Variants in DACT1 observed in about 807,000 individuals in gnomAD.
DACT1 encodes the protein dishevelled binding antagonist of beta catenin 1.
Under a neutral mutation model 35.3 loss-of-function variants are expected in DACT1, and 19 were observed. The observed-to-expected ratio is 0.54, with a 90% confidence interval of 0.38 to 0.79. DACT1 has a LOEUF of 0.79. Among genes scored for constraint, DACT1 ranks in the 30% least tolerant of loss-of-function variants. DACT1 has a pLI of 0.00. For missense variants in DACT1, 1,143 were observed against 1,057.5 expected, an observed-to-expected ratio of 1.08 and a Z score of -1.12; for synonymous variants, 545 against 466.7, an observed-to-expected ratio of 1.17 and a Z score of -2.16.
At chr14:58,639,611 G>C (rs941124023) in intron 1 of DACT1, among the ~76,000 whole-genome samples, 1 of 152,168 alleles carries the variant, frequency 6.6e-6, no homozygotes, top group Admixed American at 6.5e-5. Context: ...AAGCACCAAA[G>C]TGCTTTTACT....
chr14:58,639,402 TTTG>T (rs1022222612), intron 1 of DACT1: 16 of 451,680 alleles, frequency 3.5e-5, no homozygotes, highest in Admixed American at 6.4e-5. Flanking sequence ...TGGCGACAGC[TTTG>T]TTTTCAGTGA....
chr14:58,640,541 G>A (rs1042104760), intron 1 of DACT1, among the ~76,000 whole-genome samples, 195 bp from the exon 2 acceptor site: 20 of 152,192 alleles, frequency 1.3e-4, no homozygotes, highest in Non-Finnish European at 2.8e-4. Flanking sequence ...ACCACAAAAT[G>A]TGAGAAAGTG....
chr14:58,641,827 T>C, intron 3 of DACT1, 80 bp downstream of exon 3: 3 of 1,374,962 alleles, frequency 2.2e-6, no homozygotes, highest in South Asian at 2.6e-5. Flanking sequence ...CTCCAGCACC[T>C]TTCACTGGTG....
chr14:58,640,290 T>C (rs997567876), intron 1 of DACT1, among the ~76,000 whole-genome samples: 1 of 152,232 alleles, frequency 6.6e-6, no homozygotes, highest in Non-Finnish European at 1.5e-5. Context: ...AACAAAACTC[T>C]GCAGGCCAAG....
chr14:58,643,825 G>A (rs1210065359), intron 3 of DACT1, among the ~76,000 whole-genome samples: 2 of 152,150 alleles, frequency 1.3e-5, no homozygotes, highest in Admixed American at 1.3e-4. Flanking sequence ...TGCTGGGAGA[G>A]GAAGGATGGG....
rs943899572 is a variant in DACT1 at position 58,645,426 on chromosome 14, G to A, written c.692G>A (p.Arg231His). 3.0e-5 allele frequency: 49 copies of A among 1,614,060 alleles called. No individual in the cohort carries two copies. The highest frequency in any genetic ancestry group is 4.1e-5 in the Non-Finnish European group (48 of 1,180,044). Residue 231 changes from arginine to histidine, a missense_variant, in exon 4 of 4, where the codon CGC becomes CAC. Around this residue, in one of 3 missense-constraint regions of DACT1, gnomAD observed 1,054 missense variants for 958.8 expected, o/e 1.10. Transcript: ENST00000395153. ...TCTAAAAACGGGAATGATGTATATC[G>A]CTATCCCAGTCCACTTCATGCTGTG... ...LVSKNGNDVYRYPSPLHAVAV... is the reference protein window; with the variant it reads ...LVSKNGNDVYHYPSPLHAVAV...
chr14:58,646,181 C>A lies in DACT1; in HGVS notation c.1447C>A (p.Pro483Thr). ...SQKNSLQGVPPATPPLLSTAF... is the reference protein window; with the variant it reads ...SQKNSLQGVPTATPPLLSTAF... ...GAAAAACAGCCTGCAGGGCGTCCCC[C>A]CGGCCACTCCTCCCCTGCTGTCTAC... The change falls in exon 4 of 4, where the codon CCG becomes ACG. Residue 483 changes from proline to threonine, a missense_variant. By Grantham distance (38) the Pro-to-Thr change is conservative (BLOSUM62 -1). Around this residue, in one of 3 missense-constraint regions of DACT1, gnomAD observed 1,054 missense variants for 958.8 expected, o/e 1.10. Coordinates refer to ENST00000395153, the MANE Select transcript of DACT1 (RefSeq NM_001079520.2). 1 of 1,613,692 alleles carries A rather than the reference C, an allele frequency of 6.2e-7. No homozygotes were observed. Among genetic ancestry groups the A allele is most frequent in the Non-Finnish European group, 8.5e-7 (1 of 1,179,892 alleles).
chr14:58,647,653 C>T lies in DACT1; in HGVS notation c.*519C>T, dbSNP rs2047706833. ...AGTCTACATTTCTCAGATGTATCCC[C>T]ATTCGGTTTTATTCTCAGAACTGTT... On this transcript the variant is annotated 3_prime_UTR_variant, in exon 4 of 4. Coordinates refer to ENST00000395153, the MANE Select transcript of DACT1 (RefSeq NM_001079520.2). 5.9e-6 allele frequency: 1 copy of T among 168,832 alleles called. No individual in the cohort carries two copies. Among genetic ancestry groups the T allele is most frequent in the Non-Finnish European group, 1.4e-5 (1 of 69,804 alleles). The allele number at this position is 168,832 out of a possible 1,614,324, so 10.5% of individuals were successfully genotyped here. A position where few individuals can be genotyped will look rare whatever the true frequency, so the allele number is the denominator to read the frequency against.
At position 58,646,700 on chromosome 14, in the gene DACT1, A is replaced by C. The variant is rs747322707; in HGVS notation, c.1966A>C (p.Arg656=). 5.0e-6 allele frequency: 8 copies of C among 1,613,046 alleles called. No homozygotes were observed. The Admixed American group carries it at 8.3e-5, about 17-fold the overall frequency. Residue 656 remains arginine, a synonymous_variant, in exon 4 of 4, where the codon AGG becomes CGG. Coordinates refer to ENST00000395153, the MANE Select transcript of DACT1 (RefSeq NM_001079520.2). ...AEISYEEALR[R]ARRGRRENVG... ...GATTTCCTACGAAGAGGCCCTGAGG[A>C]GGGCCCGGCGCGGTCGCCGGGAGAA... is the stretch of plus-strand genomic sequence containing the variant.
chr14:58,643,154 A>C (rs1044448616), intron 3 of DACT1, among the ~76,000 whole-genome samples: 2 of 152,252 alleles, frequency 1.3e-5, no homozygotes, highest in African/African-American at 4.8e-5. Context: ...TCATCATCCC[A>C]AGGGAATTCA....
In DACT1 at chr14:58,640,777, G is replaced by C. The variant is rs369191743; in HGVS notation, c.387G>C (p.Leu129Phe). The C allele has an allele frequency of 6.2e-7, 1 of 1,614,010 alleles. No homozygotes were observed. The highest frequency in any genetic ancestry group is 1.3e-5 in the African/African-American group (1 of 74,920). Residue 129 changes from leucine to phenylalanine, a missense_variant, in exon 2 of 4, where the codon TTG becomes TTC. Transcript: ENST00000395153. Reference sequence around the variant, plus strand: ...GAGATGCTGGTTTGTTGAATCAGTTGCAAGAGCTTGACAAGCAGATAAGTG... The same window carrying C: ...GAGATGCTGGTTTGTTGAATCAGTTCCAAGAGCTTGACAAGCAGATAAGTG... ...RRRDAGLLNQ[L>F]QELDKQISDL... is the part of the protein sequence containing the mutation.
chr14:58,646,635 A>G lies in DACT1; in HGVS notation c.1901A>G (p.His634Arg). 1.9e-6 allele frequency: 3 copies of G among 1,611,406 alleles called. No homozygotes were observed. Among genetic ancestry groups the G allele is most frequent in the East Asian group, 2.2e-5 (1 of 44,790 alleles). ...GAGGCGGTGGTGGCCAAACCTAAGC[A>G]CAAGCGAACTGACTACCGGCGGTGG... ...GREAVVAKPK[H>R]KRTDYRRWKS... is the part of the protein sequence containing the mutation. Residue 634 changes from histidine to arginine, a missense_variant, in exon 4 of 4, where the codon CAC (histidine) becomes CGC (arginine). Around this residue, in one of 3 missense-constraint regions of DACT1, gnomAD observed 1,054 missense variants for 958.8 expected, o/e 1.10. Coordinates refer to ENST00000395153, the MANE Select transcript of DACT1 (RefSeq NM_001079520.2).
chr14:58,646,770 C>A lies in DACT1; in HGVS notation c.2036C>A (p.Pro679His), dbSNP rs745705094. 4 of 1,614,140 alleles carry A rather than the reference C, an allele frequency of 2.5e-6. No homozygotes were observed. The South Asian group carries it at 3.3e-5, about 13-fold the overall frequency. The change falls in exon 4 of 4, where the codon CCC becomes CAC. Residue 679 changes from proline to histidine, a missense_variant. Physicochemically the swap from Pro to His is moderately conservative, Grantham distance 77. This residue lies in a region of DACT1 where 1,054 missense variants were observed against 958.8 expected (regional missense o/e 1.10). Transcript: ENST00000395153. ...CCTGTGCCTCTGCCCTACGCCAGCC[C>A]CTACGCCTACGTGGCTAGCGACTCC... ...PAPVPLPYASPYAYVASDSEY... is the reference protein window; with the variant it reads ...PAPVPLPYASHYAYVASDSEY...
chr14:58,638,843 CCTAGTT>C lies in DACT1; in HGVS notation c.345+300_345+305del, dbSNP rs1210180980. ...TCTGCCTTCGGGATTCTTGGAGTCGCCTAGTTCTAACGTTCGGTCTCCTTAGTTAGA... is the reference window on the plus strand; with the variant it reads ...TCTGCCTTCGGGATTCTTGGAGTCGCCTAACGTTCGGTCTCCTTAGTTAGA... On this transcript the variant is annotated intron_variant, in intron 1 of 3. Coordinates refer to ENST00000395153, the MANE Select transcript of DACT1 (RefSeq NM_001079520.2). 10 of 1,123,714 alleles carry C rather than the reference CCTAGTT, an allele frequency of 8.9e-6. No homozygotes were observed. The East Asian group carries it at 4.6e-4, about 52-fold the overall frequency. The allele number at this position is 1,123,714 out of a possible 1,614,324, so 69.6% of individuals were successfully genotyped here. A position where few individuals can be genotyped will look rare whatever the true frequency, so the allele number is the denominator to read the frequency against.
chr14:58,646,064 C>T lies in DACT1; in HGVS notation c.1330C>T (p.Leu444Phe), dbSNP rs776674599. Residue 444 changes from leucine (L) to phenylalanine (F), a missense_variant, in exon 4 of 4, where the codon CTC (leucine) becomes TTC (phenylalanine). By Grantham distance (22) the Leu-to-Phe change is conservative. Transcript: ENST00000395153. The stretch of plus-strand genomic sequence containing the variant: ...GGAGTCCCCTAAGGAAAGCGCTCAG[C>T]TCTCAGGGGCCTCTCCAAAAGAGAG... ...TGESPKESAQ[L>F]SGASPKESPS... is the part of the protein sequence containing the mutation. 1.9e-6 allele frequency: 3 copies of T among 1,613,894 alleles called. No homozygotes were observed. The highest frequency in any genetic ancestry group is 4.5e-5 in the East Asian group (2 of 44,876).
rs963556126 is a variant in DACT1, at chr14:58,645,793, G to A, written c.1059G>A (p.Val353=). 6.2e-6 allele frequency: 10 copies of A among 1,614,268 alleles called. No homozygotes were observed. Among genetic ancestry groups the A allele is most frequent in the East Asian group, 2.2e-5 (1 of 44,880 alleles). The change falls in exon 4 of 4, where the codon GTG becomes GTA. Residue 353 remains valine, a synonymous_variant. Coordinates refer to ENST00000395153, the MANE Select transcript of DACT1 (RefSeq NM_001079520.2). ...GCGGTGTCTCACAGGGCAACAGTGTGAACCTTAAGAATTCGAAACAGGCGT... is the reference window on the plus strand; with the variant it reads ...GCGGTGTCTCACAGGGCAACAGTGTAAACCTTAAGAATTCGAAACAGGCGT... ...APGGVSQGNS[V]NLKNSKQACL...
rs947940601 is a variant in DACT1, at chr14:58,647,499, G to T, written c.*365G>T. 6 of 278,758 alleles carry T rather than the reference G, an allele frequency of 2.2e-5. No individual in the cohort carries two copies. Among genetic ancestry groups the T allele is most frequent in the Non-Finnish European group, 4.3e-5 (6 of 140,814 alleles). 17.3% of individuals were successfully genotyped at this position (278,758 alleles called of 1,614,324 possible). A position where few individuals can be genotyped will look rare whatever the true frequency, so the allele number is the denominator to read the frequency against. ...CCAAGGTCAGGTGGATGGAATTTTT[G>T]GATTTATATTTGTTCCTTGAGTCTT... On this transcript the variant is annotated 3_prime_UTR_variant, in exon 4 of 4. Transcript: ENST00000395153.
chr14:58,645,981 C>G lies in DACT1; in HGVS notation c.1247C>G (p.Pro416Arg). ...AASDLQSKHL[P>R]KTAKPASQEH... ...TCCGACCTTCAGAGTAAGCACCTGC[C>G]AAAAACGGCCAAGCCAGCCTCGCAA... Residue 416 changes from proline to arginine, a missense_variant, in exon 4 of 4, where the codon CCA (proline) becomes CGA (arginine). Physicochemically the swap from Pro to Arg is moderately radical, Grantham distance 103. Transcript: ENST00000395153. The G allele has an allele frequency of 6.2e-7, 1 of 1,613,734 alleles. No homozygotes were observed. Among genetic ancestry groups the G allele is most frequent in the Non-Finnish European group, 8.5e-7 (1 of 1,180,004 alleles).
At position 58,648,275 on chromosome 14, in the gene DACT1, G is replaced by A. The variant is rs1450569122; in HGVS notation, c.*1141G>A. The A allele has an allele frequency of 1.2e-5, 2 of 166,962 alleles. No individual in the cohort carries two copies. The highest frequency in any genetic ancestry group is 2.9e-5 in the Non-Finnish European group (2 of 68,108). 10.3% of individuals were successfully genotyped at this position (166,962 alleles called of 1,614,324 possible). On this transcript the variant is annotated 3_prime_UTR_variant, in exon 4 of 4. Coordinates refer to ENST00000395153, the MANE Select transcript of DACT1 (RefSeq NM_001079520.2). ...GTAATAAACCATTTGTTTTACTGCT[G>A]TTAAGTTTGTTATTTGGGTATAAAA... is the stretch of plus-strand genomic sequence containing the variant.
Sources: allele counts gnomAD v4.1 joint callset (sites outside exome capture counted in the v4.1 genomes callset), GRCh38; gene constraint gnomAD v4.1.1; regional missense constraint gnomAD v4.1.1; transcripts MANE v1.5; gene names NCBI Gene and HGNC (gene_info 2026-07-23, HGNC 2026-07-21).